Variants in CNTNAP2 observed in about 807,000 individuals in gnomAD.
The protein encoded by CNTNAP2 is contactin associated protein 2.
Under a neutral mutation model 155.2 loss-of-function variants are expected in CNTNAP2, and 98 were observed. That is an observed-to-expected ratio of 0.63 (90% CI 0.54 to 0.75). CNTNAP2 has a LOEUF of 0.75. Ranked by LOEUF, CNTNAP2 falls within the 30% of genes least tolerant of loss-of-function variation. The pLI is 0.00. For missense variants in CNTNAP2, 1,727 were observed against 1,688.1 expected (o/e 1.02, Z -0.40); for synonymous variants, 651 against 631.2 (o/e 1.03, Z -0.47).
At chr7:148,372,136 A>C (rs553795980) in intron 21 of CNTNAP2, among the ~76,000 whole-genome samples, 32 of 152,068 alleles carry the variant, frequency 2.1e-4, no homozygotes, top group Non-Finnish European at 2.4e-4. Context: ...TGGGAGTTGG[A>C]GGTTGCAGTG....
chr7:147,476,332 G>A (rs1214861945), intron 10 of CNTNAP2, among the ~76,000 whole-genome samples: 1 of 151,740 alleles, frequency 6.6e-6, no homozygotes. Flanking sequence ...GTCTCAATCT[G>A]CTGACCTCAT....
chr7:147,476,093 T>A (rs1347358798), intron 10 of CNTNAP2, among the ~76,000 whole-genome samples: 1 of 151,872 alleles, frequency 6.6e-6, no homozygotes, highest in Admixed American at 6.6e-5. Flanking sequence ...TATTTTTATT[T>A]TTTATTTTTA....
intron 4 of CNTNAP2, among the ~76,000 whole-genome samples, chr7:147,074,266 T>C (rs1799953516): frequency 6.6e-6 from 1 of 152,096 alleles, no homozygotes; most frequent in Non-Finnish European, 1.5e-5. Context: ...GATGGTGTGC[T>C]TGGTTGGCCT....
chr7:146,314,829 G>C (rs1800881918), intron 1 of CNTNAP2, among the ~76,000 whole-genome samples: 1 of 152,114 alleles, frequency 6.6e-6, no homozygotes, highest in Non-Finnish European at 1.5e-5. Context: ...CTCATAGCAG[G>C]GGAGACTTCT....
At chr7:147,921,314 A>G (rs1218078275) in intron 14 of CNTNAP2, among the ~76,000 whole-genome samples, 1 of 152,272 alleles carries the variant, frequency 6.6e-6, no homozygotes, top group African/African-American at 2.4e-5. Context: ...TTGGTGTATT[A>G]ATCTCCTCAT....
At chr7:146,908,971 A>G (rs1310292268) in intron 3 of CNTNAP2, among the ~76,000 whole-genome samples, 4 of 149,380 alleles carry the variant, frequency 2.7e-5, no homozygotes, top group Non-Finnish European at 6.0e-5. Flanking sequence ...TAAAGGGGAT[A>G]TCACCACTGA....
In CNTNAP2 at chr7:148,332,687, G is replaced by A. The variant is rs76224922; in HGVS notation, c.3476-50962G>A. On this transcript the variant is annotated intron_variant, in intron 21 of 23. Transcript: ENST00000361727. ...TATCGTCAGTCAGACATGGAAAGAG[G>A]TTCTCCAGGGGAAGAGAGAGAAGCA... Among the ~76,000 whole-genome samples the A allele has an allele frequency of 6.3e-3, 964 of 152,298 alleles. 8 individuals carry two copies. Among genetic ancestry groups the A allele is most frequent in the Middle Eastern group, 0.014 (4 of 294 alleles).
intron 14 of CNTNAP2, among the ~76,000 whole-genome samples, chr7:147,934,063 G>T (rs1201065587): frequency 6.6e-6 from 1 of 152,084 alleles, no homozygotes; most frequent in African/African-American, 2.4e-5. Context: ...TGGCAAGAGG[G>T]GAATACGGGG....
chr7:148,248,230 G>T (rs1216039334), intron 20 of CNTNAP2, among the ~76,000 whole-genome samples: 2 of 149,526 alleles, frequency 1.3e-5, no homozygotes, highest in African/African-American at 4.9e-5. Flanking sequence ...ACAGAGTCCC[G>T]CCCTGTCATC....
chr7:148,060,066 G>C (rs541297054), intron 15 of CNTNAP2, among the ~76,000 whole-genome samples: 69 of 152,148 alleles, frequency 4.5e-4, no homozygotes, highest in African/African-American at 1.5e-3. Flanking sequence ...GTACCACACA[G>C]AAATGCCATA....
intron 18 of CNTNAP2, among the ~76,000 whole-genome samples, chr7:148,197,220 A>G (rs1795293352): frequency 6.6e-6 from 1 of 152,238 alleles, no homozygotes; most frequent in African/African-American, 2.4e-5. Context: ...ATGTTTTTAC[A>G]TAATTTAGAT....
At chr7:148,357,637 T>C (rs1563056010) in intron 21 of CNTNAP2, among the ~76,000 whole-genome samples, 1 of 152,200 alleles carries the variant, frequency 6.6e-6, no homozygotes, top group African/African-American at 2.4e-5. Context: ...GTATTTTGCC[T>C]CGGTCAGTGT....
intron 13 of CNTNAP2, among the ~76,000 whole-genome samples, chr7:147,760,765 G>A (rs1408852030): frequency 6.6e-6 from 1 of 152,158 alleles, no homozygotes; most frequent in Non-Finnish European, 1.5e-5. Flanking sequence ...ATTAAACCTT[G>A]TGCTCTGTGG....
At chr7:148,384,806 A>G (rs1799153630) in intron 22 of CNTNAP2, among the ~76,000 whole-genome samples, 1 of 152,130 alleles carries the variant, frequency 6.6e-6, no homozygotes, top group South Asian at 2.1e-4. Context: ...AGTTTTCATA[A>G]CCTCATTCCT....
In CNTNAP2 at chr7:146,632,629, CG is replaced by C. The variant is rs1450033335; in HGVS notation, c.98-141641del. 4.6e-5 allele frequency among the ~76,000 whole-genome samples: 7 copies of C among 151,754 alleles called. No homozygotes were observed. In the East Asian group the frequency reaches 1.3e-3, roughly 29 times the overall value. Reference sequence around the variant, plus strand: ...GAAAAAGATAAGTTCTTAACCATAACGTAGAGTAACATTTACAATCCAAAAC... The same window carrying C: ...GAAAAAGATAAGTTCTTAACCATAACTAGAGTAACATTTACAATCCAAAAC... On this transcript the variant is annotated intron_variant, in intron 1 of 23. Transcript: ENST00000361727.
intron 3 of CNTNAP2, among the ~76,000 whole-genome samples, chr7:146,986,454 G>A (rs548667796): frequency 6.6e-6 from 1 of 152,128 alleles, no homozygotes; most frequent in Non-Finnish European, 1.5e-5. Flanking sequence ...AAATTGTGAT[G>A]CTATAAACAT....
At chr7:147,890,549 A>G (rs1306751273) in intron 13 of CNTNAP2, among the ~76,000 whole-genome samples, 1 of 152,232 alleles carries the variant, frequency 6.6e-6, no homozygotes, top group Non-Finnish European at 1.5e-5. Context: ...TCCCATGTTC[A>G]TTGCAGCATT....
In CNTNAP2 at chr7:146,265,988, C is replaced by T. The variant is rs114523700; in HGVS notation, c.97+149015C>T. 4.1e-3 allele frequency among the ~76,000 whole-genome samples: 618 copies of T among 151,924 alleles called. 4 individuals carry two copies. Among genetic ancestry groups the T allele is most frequent in the African/African-American group, 0.014 (568 of 41,398 alleles). The stretch of plus-strand genomic sequence containing the variant: ...CCTAAAAGAACAAATTTGCCCTCTC[C>T]CAGCCTCGCTTGCAATTAGCTATTA... On this transcript the variant is annotated intron_variant, in intron 1 of 23. Coordinates refer to ENST00000361727, the MANE Select transcript of CNTNAP2 (RefSeq NM_014141.6).
At chr7:146,134,237 T>A (rs1249383697) in intron 1 of CNTNAP2, among the ~76,000 whole-genome samples, 5 of 151,520 alleles carry the variant, frequency 3.3e-5, no homozygotes, top group African/African-American at 1.2e-4. Context: ...ATAAGAATGC[T>A]TGTGATTTTT....
Sources: allele counts gnomAD v4.1 joint callset (sites outside exome capture counted in the v4.1 genomes callset), GRCh38; gene constraint gnomAD v4.1.1; transcripts MANE v1.5; gene names NCBI Gene and HGNC (gene_info 2026-07-23, HGNC 2026-07-21).